The following ARID5B variants were observed in gnomAD, a reference collection of about 807,000 sequenced individuals.
ARID5B encodes the protein AT-rich interactive domain-containing protein 5B.
A neutral mutation model predicts 97.2 loss-of-function variants in ARID5B; 13 were observed. That is an observed-to-expected ratio of 0.13 (90% CI 0.09 to 0.21). The LOEUF (loss-of-function observed/expected upper bound fraction) is 0.21, where lower values mean the gene tolerates loss of function less well. ARID5B is among the 10% of genes least tolerant of loss of function. The probability of loss-of-function intolerance (pLI) is 1.00; values close to 1 mark genes in which losing one functional copy is unlikely to be tolerated. For synonymous variants in ARID5B, 556 were observed against 570.3 expected, an observed-to-expected ratio of 0.97 and a Z score of 0.36; for missense variants, 1,210 against 1,465.3, an observed-to-expected ratio of 0.83 and a Z score of 2.84.
intron 3 of ARID5B, among the ~76,000 whole-genome samples, chr10:61,981,809 T>C (rs1201983967): frequency 1.3e-5 from 2 of 152,204 alleles, no homozygotes; most frequent in Non-Finnish European, 2.9e-5. Flanking sequence ...GTCTGTTACA[T>C]TATGTTGGTC....
At chr10:61,927,756 G>C (rs1236849314) in intron 2 of ARID5B, among the ~76,000 whole-genome samples, 5 of 152,172 alleles carry the variant, frequency 3.3e-5, no homozygotes, top group African/African-American at 1.2e-4. Context: ...TGCCTAATAA[G>C]GACATTCAAA....
At chr10:61,910,633 T>C (rs1274732446) in intron 2 of ARID5B, among the ~76,000 whole-genome samples, 1 of 152,190 alleles carries the variant, frequency 6.6e-6, no homozygotes, top group African/African-American at 2.4e-5. Flanking sequence ...CCTCATGCCC[T>C]GGACTATGAG....
intron 2 of ARID5B, among the ~76,000 whole-genome samples, chr10:61,932,955 G>C (rs1844237028): frequency 6.6e-6 from 1 of 152,112 alleles, no homozygotes; most frequent in African/African-American, 2.4e-5. Context: ...AATTTAGCCA[G>C]GCCTGTAGTC....
chr10:62,080,072 C>T lies in ARID5B; in HGVS notation c.1200-5630C>T, dbSNP rs138461224. 2.6e-3 allele frequency among the ~76,000 whole-genome samples: 401 copies of T among 152,260 alleles called. 13 individuals carry two copies. The highest frequency in any genetic ancestry group is 4.4e-3 in the Admixed American group (68 of 15,296). On this transcript the variant is annotated intron_variant, in intron 8 of 9. Coordinates refer to ENST00000279873, the MANE Select transcript of ARID5B (RefSeq NM_032199.3). ...ACACAGACTCTGTGTTGCACTCTGC[C>T]GCCATTTTGTTGGCTCAGATGGGCC...
intron 4 of ARID5B, among the ~76,000 whole-genome samples, chr10:62,043,779 TTAA>T (rs1263514519): frequency 1.3e-5 from 2 of 152,194 alleles, no homozygotes; most frequent in Non-Finnish European, 2.9e-5. Context: ...ATCAGGAGCA[TTAA>T]TAATTACTCC....
intron 3 of ARID5B, among the ~76,000 whole-genome samples, chr10:61,978,494 A>T (rs1838732300): frequency 6.6e-6 from 1 of 152,238 alleles, no homozygotes; most frequent in Admixed American, 6.5e-5. Flanking sequence ...ACCCATGAGC[A>T]TGGAATGTTC....
chr10:61,965,778 G>A (rs1044959732), intron 3 of ARID5B, among the ~76,000 whole-genome samples: 2 of 152,074 alleles, frequency 1.3e-5, no homozygotes, highest in Non-Finnish European at 2.9e-5. Context: ...TAACATAAAG[G>A]CAACTTTTCA....
intron 3 of ARID5B, among the ~76,000 whole-genome samples, chr10:61,992,920 C>A (rs1416216091): frequency 2.0e-5 from 3 of 152,150 alleles, no homozygotes. Flanking sequence ...TCAAAATAAC[C>A]ACAACAGTGC....
intron 4 of ARID5B, among the ~76,000 whole-genome samples, chr10:62,011,829 C>T (rs76076945): frequency 0.017 from 2,518 of 152,214 alleles, 80 homozygotes; most frequent in African/African-American, 0.058. Context: ...CAGTGAGACT[C>T]GGGCACCAGC....
intron 3 of ARID5B, among the ~76,000 whole-genome samples, chr10:61,993,137 A>G (rs1014533788): frequency 7.9e-5 from 12 of 152,026 alleles, no homozygotes; most frequent in African/African-American, 2.9e-4. Context: ...ACACACACAC[A>G]CACACACACA....
chr10:62,046,195 C>T (rs1446591168), intron 4 of ARID5B, among the ~76,000 whole-genome samples: 1 of 151,906 alleles, frequency 6.6e-6, no homozygotes, highest in African/African-American at 2.4e-5. Flanking sequence ...AGCATAAATG[C>T]TATTAAAAAA....
chr10:61,923,341 C>G (rs567663633), intron 2 of ARID5B, among the ~76,000 whole-genome samples: 1 of 152,128 alleles, frequency 6.6e-6, no homozygotes, highest in Non-Finnish European at 1.5e-5. Context: ...TCCCCGCTTC[C>G]ACCCCTTGCC....
intron 4 of ARID5B, among the ~76,000 whole-genome samples, chr10:62,045,817 G>A (rs897964065): frequency 6.6e-6 from 1 of 152,170 alleles, no homozygotes; most frequent in African/African-American, 2.4e-5. Flanking sequence ...TATCAGTAAC[G>A]CATACTATAC....
chr10:62,037,042 A>T (rs568657496), intron 4 of ARID5B, among the ~76,000 whole-genome samples: 74 of 152,342 alleles, frequency 4.9e-4, no homozygotes, highest in Non-Finnish European at 1.0e-3. Context: ...TTGTCTTGTC[A>T]TGACTCTCCG....
At chr10:62,012,168 T>C (rs2132880741) in intron 4 of ARID5B, among the ~76,000 whole-genome samples, 1 of 152,292 alleles carries the variant, frequency 6.6e-6, no homozygotes, top group South Asian at 2.1e-4. Flanking sequence ...GCCCTTTATA[T>C]ACATTATCTT....
At chr10:62,043,574 T>A (rs1839668167) in intron 4 of ARID5B, among the ~76,000 whole-genome samples, 1 of 152,024 alleles carries the variant, frequency 6.6e-6, no homozygotes, top group Admixed American at 6.6e-5. Context: ...ATGCATGGAG[T>A]CACATGCTTT....
At chr10:61,959,562 T>C (rs567915872) in intron 3 of ARID5B, among the ~76,000 whole-genome samples, 12 of 152,310 alleles carry the variant, frequency 7.9e-5, no homozygotes, top group African/African-American at 2.9e-4. Context: ...TTTGTGGAGA[T>C]GCTACCCCCT....
At chr10:62,049,283 T>C (rs1366461626) in intron 4 of ARID5B, 4 of 1,454,484 alleles carry the variant, frequency 2.8e-6, no homozygotes, top group African/African-American at 1.4e-5. Context: ...TGCTAGTCAC[T>C]GCTGTGTGTT....
intron 6 of ARID5B, among the ~76,000 whole-genome samples, chr10:62,058,316 C>G (rs1396813077): frequency 6.6e-6 from 1 of 152,174 alleles, no homozygotes. Context: ...CTTGATAGCT[C>G]TGAAGTAGTG....
Sources: gnomAD v4.1 joint callset for allele counts (sites outside exome capture counted in the v4.1 genomes callset) on GRCh38, gnomAD v4.1.1 for gene constraint, MANE v1.5 for transcripts, NCBI Gene and HGNC (gene_info 2026-07-23, HGNC 2026-07-21) for gene names.